The following ZNF469 variants were observed in gnomAD, a reference collection of about 807,000 sequenced individuals.
ZNF469 encodes zinc finger protein 469.
A neutral mutation model predicts 1.0 loss-of-function variants in ZNF469; 1 was observed. The observed-to-expected ratio is 1.00, with a 90% CI of 0.35 to 4.73. The LOEUF is 4.73. ZNF469 is among the 30% of genes most tolerant of loss of function. The pLI, the probability that ZNF469 is intolerant of heterozygous loss-of-function variation, is 0.16. For missense variants in ZNF469, 6,100 were observed against 5,356.3 expected (o/e 1.14, Z -4.33); for synonymous variants, 2,703 against 2,363.4 (o/e 1.14, Z -4.17).
At chr16:88,130,475 G>C in the ZNF469 span, among the ~76,000 whole-genome samples, 4 of 152,108 alleles carry the variant, frequency 2.6e-5, no homozygotes, top group Non-Finnish European at 5.9e-5. Context: ...GGAGGCCGAG[G>C]CGGGCGGATC....
At chr16:88,327,861 C>T in the ZNF469 span, among the ~76,000 whole-genome samples, 2 of 152,186 alleles carry the variant, frequency 1.3e-5, no homozygotes, top group African/African-American at 4.8e-5. Context: ...TCAGCTGGGG[C>T]CCACACACCC....
the ZNF469 span, among the ~76,000 whole-genome samples, chr16:88,190,358 G>C: frequency 2.0e-5 from 3 of 152,264 alleles, no homozygotes; most frequent in African/African-American, 7.2e-5. Context: ...ACCTTGCTCA[G>C]TCCCAGCACA....
chr16:88,186,708 C>G, the ZNF469 span, among the ~76,000 whole-genome samples: 4 of 152,154 alleles, frequency 2.6e-5, no homozygotes, highest in Admixed American at 2.6e-4. Flanking sequence ...ACGTGCGGCC[C>G]GGGCCTAAGA....
At chr16:88,176,977 G>A in the ZNF469 span, among the ~76,000 whole-genome samples, 2 of 152,256 alleles carry the variant, frequency 1.3e-5, no homozygotes, top group African/African-American at 2.4e-5. Flanking sequence ...TGGCAGGGAA[G>A]CCTCATCCGG....
chr16:88,143,744 G>A, the ZNF469 span, among the ~76,000 whole-genome samples: 1 of 152,242 alleles, frequency 6.6e-6, no homozygotes, highest in Non-Finnish European at 1.5e-5. Context: ...TGAACAAGTC[G>A]CAGCCTTGCG....
the ZNF469 span, among the ~76,000 whole-genome samples, chr16:88,320,847 A>C: frequency 6.6e-6 from 1 of 152,058 alleles, no homozygotes. Flanking sequence ...TGCCGAACCC[A>C]CCCAGCACAC....
At chr16:88,157,205 C>A in the ZNF469 span, among the ~76,000 whole-genome samples, 1 of 151,742 alleles carries the variant, frequency 6.6e-6, no homozygotes, top group Admixed American at 6.6e-5. Context: ...GGGGCTGAAG[C>A]CGACACCCCC....
At chr16:88,231,646 G>A in the ZNF469 span, among the ~76,000 whole-genome samples, 1 of 152,064 alleles carries the variant, frequency 6.6e-6, no homozygotes, top group Non-Finnish European at 1.5e-5. The surrounding 1 kb of genome is among the most constrained non-coding windows in gnomAD (Gnocchi z 4.5). Flanking sequence ...GGCCAGCAGC[G>A]CAGCCTCTTT....
the ZNF469 span, among the ~76,000 whole-genome samples, chr16:88,356,993 G>A: frequency 6.6e-6 from 1 of 152,270 alleles, no homozygotes; most frequent in Non-Finnish European, 1.5e-5. Flanking sequence ...CACATGGTGG[G>A]TGCCCAGGCA....
At chr16:88,366,158 TCAC>T in the ZNF469 span, among the ~76,000 whole-genome samples, 1 of 141,986 alleles carries the variant, frequency 7.0e-6, no homozygotes, top group Non-Finnish European at 1.6e-5. Context: ...ACCATCATCA[TCAC>T]CATCATCACC....
At chr16:88,315,975 C>A in the ZNF469 span, among the ~76,000 whole-genome samples, 1 of 152,162 alleles carries the variant, frequency 6.6e-6, no homozygotes, top group East Asian at 1.9e-4. Context: ...ACCCCCGGCG[C>A]CTGCACCACT....
the ZNF469 span, among the ~76,000 whole-genome samples, chr16:88,188,746 C>T: frequency 6.6e-6 from 1 of 152,184 alleles, no homozygotes. Flanking sequence ...CTCGGGAGCC[C>T]ATTAGAAATG....
At chr16:88,130,234 G>A in the ZNF469 span, among the ~76,000 whole-genome samples, 2 of 152,146 alleles carry the variant, frequency 1.3e-5, no homozygotes, top group Non-Finnish European at 2.9e-5. Flanking sequence ...TCCCTCAAAA[G>A]CCGGGGTCGA....
chr16:88,265,534 C>G, the ZNF469 span, among the ~76,000 whole-genome samples: 1 of 152,190 alleles, frequency 6.6e-6, no homozygotes, highest in African/African-American at 2.4e-5. Flanking sequence ...CAGTATCCGG[C>G]GGGGCCGGGT....
At chr16:88,283,369 G>C in the ZNF469 span, among the ~76,000 whole-genome samples, 2 of 152,032 alleles carry the variant, frequency 1.3e-5, no homozygotes, top group East Asian at 3.9e-4. Context: ...GTGTTGGGGA[G>C]GTGTGTGGAC....
At chr16:88,314,769 ATC>A in the ZNF469 span, among the ~76,000 whole-genome samples, 3 of 125,434 alleles carry the variant, frequency 2.4e-5, no homozygotes, top group Non-Finnish European at 5.0e-5. Flanking sequence ...GGTGTGGGCT[ATC>A]TCTGTAATTA....
chr16:88,221,914 C>A, the ZNF469 span, among the ~76,000 whole-genome samples: 1 of 152,154 alleles, frequency 6.6e-6, no homozygotes, highest in Non-Finnish European at 1.5e-5. Context: ...TCACAGCCCT[C>A]CCTACTTCAG....
the ZNF469 span, among the ~76,000 whole-genome samples, chr16:88,142,800 C>T: frequency 1.3e-5 from 2 of 152,236 alleles, no homozygotes; most frequent in Non-Finnish European, 2.9e-5. Flanking sequence ...TGATGTGGGT[C>T]ACACCTGTGT....
At chr16:88,140,755 A>T in the ZNF469 span, among the ~76,000 whole-genome samples, 4 of 152,152 alleles carry the variant, frequency 2.6e-5, no homozygotes, top group African/African-American at 9.7e-5. Flanking sequence ...AACATGGCGA[A>T]ACCCCACCTC....
Sources: allele counts gnomAD v4.1 joint callset (sites outside exome capture counted in the v4.1 genomes callset), GRCh38; gene constraint gnomAD v4.1.1; non-coding constraint Gnocchi (gnomAD v3.1); transcripts MANE v1.5; gene names NCBI Gene and HGNC (gene_info 2026-07-23, HGNC 2026-07-21).